The following DCTN2 variants were observed in gnomAD, a reference collection of about 807,000 sequenced individuals.
DCTN2 encodes 50 kDa dynein-associated polypeptide.
Under a neutral mutation model 55.4 loss-of-function variants are expected in DCTN2, and 18 were observed. The observed-to-expected ratio is 0.32, with a 90% CI of 0.22 to 0.48. The LOEUF (loss-of-function observed/expected upper bound fraction) is 0.48. Among genes scored for constraint, DCTN2 ranks in the 20% least tolerant of loss-of-function variants. DCTN2 has a pLI of 0.99. For missense variants in DCTN2, 390 were observed against 491.0 expected (o/e 0.79, Z 1.94); for synonymous variants, 168 against 185.2 (o/e 0.91, Z 0.76).
At chr12:57,544,724 T>C (rs1405130408) in intron 2 of DCTN2, among the ~76,000 whole-genome samples, 36 of 152,192 alleles carry the variant, frequency 2.4e-4, no homozygotes, top group Non-Finnish European at 1.5e-5. Flanking sequence ...ATTTTCCATT[T>C]GTGATTGGTT....
chr12:57,546,731 G>A (rs1170849438), intron 1 of DCTN2, among the ~76,000 whole-genome samples: 4 of 152,216 alleles, frequency 2.6e-5, no homozygotes, highest in Non-Finnish European at 5.9e-5. Flanking sequence ...GGGGACATGG[G>A]AGGCGTTGAC....
intron 2 of DCTN2, among the ~76,000 whole-genome samples, chr12:57,538,021 C>A (rs1239118982): frequency 6.6e-6 from 1 of 152,216 alleles, no homozygotes; most frequent in African/African-American, 2.4e-5. Flanking sequence ...GGAGGCATAA[C>A]CTACAGACCC....
In DCTN2 at chr12:57,532,827, G is replaced by A; in HGVS notation, c.775-17C>T. The A allele has an allele frequency of 2.5e-6, 4 of 1,613,834 alleles. No individual in the cohort carries two copies. Among genetic ancestry groups the A allele is most frequent in the Non-Finnish European group, 3.4e-6 (4 of 1,179,842 alleles). Reference sequence around the variant, plus strand: ...TACAGTCTCCTGGGGATGGAAGTTGGGACAAGCATCATGAAGAGGAAAGGC... The same window carrying A: ...TACAGTCTCCTGGGGATGGAAGTTGAGACAAGCATCATGAAGAGGAAAGGC... On this transcript the variant is annotated splice_polypyrimidine_tract_variant and intron_variant, in intron 9 of 13. Transcript: ENST00000548249.
At chr12:57,537,058 G>A (rs1280283425) in intron 2 of DCTN2, among the ~76,000 whole-genome samples, 1 of 151,360 alleles carries the variant, frequency 6.6e-6, no homozygotes, top group South Asian at 2.1e-4. Context: ...AGCACTTTGG[G>A]AGGATCCTAA....
intron 2 of DCTN2, chr12:57,538,671 C>T (rs1002955546): frequency 1.6e-5 from 10 of 639,538 alleles, no homozygotes; most frequent in Non-Finnish European, 2.6e-5. Context: ...CACACTGCAC[C>T]ACAGGGCCCC....
chr12:57,532,163 G>T, intron 12 of DCTN2, 50 bp downstream of exon 12: 1 of 1,552,230 alleles, frequency 6.4e-7, no homozygotes, highest in Non-Finnish European at 8.7e-7. Flanking sequence ...GGGACCAAAA[G>T]TTGCCCATTT....
chr12:57,547,152 G>T lies in DCTN2; in HGVS notation c.-89C>A. 1 of 1,129,974 alleles carries T rather than the reference G, an allele frequency of 8.8e-7. No individual in the cohort carries two copies. The highest frequency in any genetic ancestry group is 1.1e-6 in the Non-Finnish European group (1 of 882,228). The allele number at this position is 1,129,974 out of a possible 1,614,324, so 70.0% of individuals were successfully genotyped here. A position where few individuals can be genotyped will look rare whatever the true frequency, so the allele number is the denominator to read the frequency against. ...GGGAGAGGCTGGGTTCGGGTCCCGG[G>T]CTAAGGCGGCGGCAAAGGGAGCGGC... On this transcript the variant is annotated 5_prime_UTR_variant, in exon 1 of 14. Transcript: ENST00000548249.
rs1879892902 is a variant in DCTN2, at chr12:57,533,084, C to T, written c.736-62G>A. The T allele has an allele frequency of 2.6e-6, 4 of 1,563,114 alleles. No homozygotes were observed. The South Asian group carries it at 3.6e-5, about 14-fold the overall frequency. On this transcript the variant is annotated intron_variant, in intron 8 of 13. Coordinates refer to ENST00000548249, the MANE Select transcript of DCTN2 (RefSeq NM_001261413.2). ...ATATCTCCATGATTATCGTCTTCTC[C>T]CATCTTTCCTGGTTCTAGCTGGGAA...
rs139791802 is a variant in DCTN2, at chr12:57,534,815, C to T, written c.363+241G>A. The stretch of plus-strand genomic sequence containing the variant: ...CCGAGTAGCTGGGATTACAGGTATG[C>T]GCCACCACACCTGGCTAAGTTTTTG... On this transcript the variant is annotated intron_variant, in intron 5 of 13. Transcript: ENST00000548249. Among the ~76,000 whole-genome samples, 740 of 152,188 alleles carry T rather than the reference C, an allele frequency of 4.9e-3. 6 individuals are homozygous for T. The highest frequency in any genetic ancestry group is 0.017 in the African/African-American group (686 of 41,508).
chr12:57,531,853 T>C (rs1879746003), intron 13 of DCTN2, among the ~76,000 whole-genome samples, 162 bp downstream of exon 13: 1 of 152,182 alleles, frequency 6.6e-6, no homozygotes, highest in East Asian at 1.9e-4. Flanking sequence ...GTTAAATAAG[T>C]TGTCAAAGGG....
chr12:57,544,218 A>G (rs1880946628), intron 2 of DCTN2: 3 of 393,752 alleles, frequency 7.6e-6, no homozygotes, highest in Non-Finnish European at 1.5e-5. Flanking sequence ...TGGTTCCAGG[A>G]CCTCCCTTGA....
chr12:57,533,510 G>A (rs1237562975), intron 7 of DCTN2, among the ~76,000 whole-genome samples: 7 of 152,162 alleles, frequency 4.6e-5, no homozygotes, highest in Non-Finnish European at 1.5e-5. Context: ...GGTGGCTCAC[G>A]CCTGTAATCC....
At chr12:57,533,092 C>T in intron 8 of DCTN2, 70 bp from the exon 9 acceptor site, 1 of 1,562,602 alleles carries the variant, frequency 6.4e-7, no homozygotes, top group South Asian at 1.2e-5. Context: ...TCCCATCTTT[C>T]CTGGTTCTAG....
chr12:57,533,176 A>G (rs1322186382), intron 8 of DCTN2, 62 bp downstream of exon 8: 2 of 1,594,174 alleles, frequency 1.3e-6, no homozygotes, highest in Admixed American at 1.7e-5. Flanking sequence ...GGAATGTTGT[A>G]GACCTTAAGG....
intron 2 of DCTN2, chr12:57,539,988 G>A: frequency 4.8e-6 from 3 of 624,888 alleles, no homozygotes; most frequent in Non-Finnish European, 6.0e-6. Context: ...GCAGGCGGAG[G>A]TTGCAGTGAG....
chr12:57,547,123 G>A lies in DCTN2; in HGVS notation c.-60C>T. 8.1e-7 allele frequency: 1 copy of A among 1,238,676 alleles called. No homozygotes were observed. The highest frequency in any genetic ancestry group is 4.2e-5 in the Admixed American group (1 of 23,856). The allele number at this position is 1,238,676 out of a possible 1,614,324, so 76.7% of individuals were successfully genotyped here. On this transcript the variant is annotated 5_prime_UTR_variant, in exon 1 of 14. Transcript: ENST00000548249. ...CGGTGGAGCCGGGGCCGGTGTTCGG[G>A]TAGGGGAGAGGCTGGGTTCGGGTCC...
chr12:57,536,922 G>A (rs539312975), intron 2 of DCTN2, among the ~76,000 whole-genome samples: 15 of 151,892 alleles, frequency 9.9e-5, no homozygotes, highest in Admixed American at 5.9e-4. Context: ...AAGGCAAAAT[G>A]AGCCTTCCTT....
intron 2 of DCTN2, chr12:57,544,023 AT>A: frequency 2.3e-6 from 1 of 425,692 alleles, no homozygotes; most frequent in Non-Finnish European, 4.7e-6. Context: ...GACAATATGT[AT>A]TTTTTTGTTT....
Position 57,541,231 on chromosome 12 carries a change from C to T in DCTN2, c.105+4797G>A, listed in dbSNP as rs866608196. 3.7e-5 allele frequency: 36 copies of T among 970,352 alleles called. No individual in the cohort carries two copies. The African/African-American group carries it at 4.4e-4, about 12-fold the overall frequency. 60.1% of individuals were successfully genotyped at this position (970,352 alleles called of 1,614,324 possible). ...GATCTTTAAACATAAGGCCAGCAGG[C>T]CCCTCAGTGACCCAGCCAGGGACTC... On this transcript the variant is annotated intron_variant, in intron 2 of 13. Coordinates refer to ENST00000548249, the MANE Select transcript of DCTN2 (RefSeq NM_001261413.2).
Sources: gnomAD v4.1 joint callset for allele counts (sites outside exome capture counted in the v4.1 genomes callset) on GRCh38, gnomAD v4.1.1 for gene constraint, MANE v1.5 for transcripts, NCBI Gene and HGNC (gene_info 2026-07-23, HGNC 2026-07-21) for gene names.